The following TM9SF4 variants were observed in gnomAD, a reference collection of about 807,000 sequenced individuals.
TM9SF4 encodes the protein dinucleotide oxidase disulfide thiol exchanger 3 superfamily member 4.
Under a neutral mutation model 90.4 loss-of-function variants are expected in TM9SF4, and 26 were observed. That is an observed-to-expected ratio of 0.29 (90% CI 0.21 to 0.40). The LOEUF is 0.40. TM9SF4 is among the 10% of genes least tolerant of loss of function. The pLI is 1.00. For synonymous variants in TM9SF4, 293 were observed against 315.4 expected (o/e 0.93, Z 0.75); for missense variants, 549 against 834.8 (o/e 0.66, Z 4.22).
In TM9SF4 at chr20:32,167,243, T is replaced by C. The variant is rs1051047949; in HGVS notation, c.*1799T>C. On this transcript the variant is annotated 3_prime_UTR_variant, in exon 18 of 18. Coordinates refer to ENST00000398022, the MANE Select transcript of TM9SF4 (RefSeq NM_014742.4). ...TTTTTGGTCGGATTGTAAATAAATA[T>C]ACCATTGTCCTACTGTTTTGTCTTG... The C allele has an allele frequency of 7.9e-5, 12 of 152,302 alleles. No homozygotes were observed. Among genetic ancestry groups the C allele is most frequent in the African/African-American group, 2.9e-4 (12 of 41,556 alleles). 9.4% of individuals were successfully genotyped at this position (152,302 alleles called of 1,614,324 possible).
chr20:32,158,308 AT>A (rs1179118398), intron 14 of TM9SF4, 142 bp from the exon 15 acceptor site: 4 of 866,058 alleles, frequency 4.6e-6, no homozygotes, highest in Non-Finnish European at 5.7e-6. Context: ...CTCTCAAGAG[AT>A]TATAATAGTA....
intron 3 of TM9SF4, among the ~76,000 whole-genome samples, chr20:32,140,538 C>T (rs1011653304): frequency 7.2e-5 from 11 of 152,168 alleles, no homozygotes; most frequent in East Asian, 3.8e-4. Flanking sequence ...GACATAGGAA[C>T]GGATGCTGAT....
At chr20:32,151,984 C>A (rs1439696348) in intron 12 of TM9SF4, among the ~76,000 whole-genome samples, 2 of 152,104 alleles carry the variant, frequency 1.3e-5, no homozygotes, top group East Asian at 3.9e-4. Flanking sequence ...GCCTCCACCT[C>A]CCGAGTAGCT....
chr20:32,140,770 G>A (rs1274874773), intron 3 of TM9SF4, among the ~76,000 whole-genome samples: 5 of 152,166 alleles, frequency 3.3e-5, no homozygotes, highest in Non-Finnish European at 7.3e-5. Context: ...CCCTCACACA[G>A]GGCAGTCAGG....
At chr20:32,132,049 A>G (rs2046523916) in intron 1 of TM9SF4, among the ~76,000 whole-genome samples, 2 of 152,188 alleles carry the variant, frequency 1.3e-5, no homozygotes, top group South Asian at 4.1e-4. Flanking sequence ...GTTGTTTTTT[A>G]GATAGAATGG....
intron 8 of TM9SF4, 142 bp from the exon 9 acceptor site, chr20:32,146,643 A>AG: frequency 1.5e-6 from 1 of 656,366 alleles, no homozygotes; most frequent in South Asian, 2.1e-5. Context: ...AGAGGCCTTG[A>AG]GGTGGCTGCA....
intron 3 of TM9SF4, chr20:32,137,012 G>A (rs1262434834): frequency 1.1e-5 from 5 of 466,328 alleles, no homozygotes; most frequent in Admixed American, 9.4e-5. Flanking sequence ...TGGGGGTCCT[G>A]GACCAGTTGG....
chr20:32,123,866 A>ATATATATATTTTTTTTTTTT lies in TM9SF4; in HGVS notation c.16-9146_16-9145insATATATATTTTTTTTTTTTT. On this transcript the variant is annotated intron_variant, in intron 1 of 17. Coordinates refer to ENST00000398022, the MANE Select transcript of TM9SF4 (RefSeq NM_014742.4). ...CTCTCATATATATATATATATATAT[A>ATATATATATTTTTTTTTTTT]TTTTTTTTTTTAAAGAGATAGGGTC... 2.7e-3 allele frequency among the ~76,000 whole-genome samples: 257 copies of ATATATATATTTTTTTTTTTT among 93,884 alleles called. 5 individuals are homozygous for ATATATATATTTTTTTTTTTT. Among genetic ancestry groups the ATATATATATTTTTTTTTTTT allele is most frequent in the East Asian group, 9.6e-3 (13 of 1,358 alleles). The allele number at this position is 93,884 out of a possible 152,430, so 61.6% of individuals were successfully genotyped here. A position where few individuals can be genotyped will look rare whatever the true frequency, so the allele number is the denominator to read the frequency against.
chr20:32,153,497 C>G (rs1422426655), intron 12 of TM9SF4, among the ~76,000 whole-genome samples: 1 of 152,206 alleles, frequency 6.6e-6, no homozygotes, highest in East Asian at 1.9e-4. Flanking sequence ...GCCTCTAATC[C>G]CAGTCCTTTG....
chr20:32,161,198 C>T, intron 16 of TM9SF4, 78 bp from the exon 17 acceptor site: 1 of 1,219,580 alleles, frequency 8.2e-7, no homozygotes, highest in Admixed American at 1.8e-5. Flanking sequence ...GAGTCTTCAG[C>T]CCCTCAAGCA....
chr20:32,158,024 C>T, intron 14 of TM9SF4, 55 bp downstream of exon 14: 1 of 1,598,188 alleles, frequency 6.3e-7, no homozygotes, highest in African/African-American at 1.3e-5. Flanking sequence ...GTACGCCCCC[C>T]TCCGCCACCA....
intron 1 of TM9SF4, among the ~76,000 whole-genome samples, chr20:32,120,250 AT>A (rs1451458593): frequency 6.6e-6 from 1 of 152,170 alleles, no homozygotes; most frequent in Non-Finnish European, 1.5e-5. Flanking sequence ...CATCCTGACA[AT>A]ATTGAGTCTT....
intron 15 of TM9SF4, 152 bp from the exon 16 acceptor site, chr20:32,159,840 C>G (rs974196907): frequency 1.2e-5 from 13 of 1,100,930 alleles, no homozygotes; most frequent in Non-Finnish European, 1.7e-5. Flanking sequence ...ACCCCCTGCT[C>G]TGGGGAAGAG....
intron 3 of TM9SF4, among the ~76,000 whole-genome samples, chr20:32,139,658 C>A (rs1167843840): frequency 6.6e-6 from 1 of 152,256 alleles, no homozygotes; most frequent in African/African-American, 2.4e-5. Flanking sequence ...TCTTTCTCTA[C>A]CCCTGTTAGA....
chr20:32,163,978 A>G (rs949751210), intron 17 of TM9SF4, among the ~76,000 whole-genome samples: 1 of 152,146 alleles, frequency 6.6e-6, no homozygotes, highest in African/African-American at 2.4e-5. Context: ...AACATCTGGA[A>G]TATGGAAGAC....
At chr20:32,134,424 G>GA (rs2046565936) in intron 2 of TM9SF4, among the ~76,000 whole-genome samples, 1 of 152,166 alleles carries the variant, frequency 6.6e-6, no homozygotes, top group Admixed American at 6.5e-5. Flanking sequence ...ATGTTTAATA[G>GA]AGGTCCTTAA....
Position 32,145,083 on chromosome 20 carries a change from T to G in TM9SF4, c.653-8T>G. The G allele has an allele frequency of 6.2e-7, 1 of 1,613,506 alleles. No individual in the cohort carries two copies. The highest frequency in any genetic ancestry group is 8.5e-7 in the Non-Finnish European group (1 of 1,179,448). Reference sequence around the variant, plus strand: ...CACAGGAACAGACTGAGTCTGTGTCTCTCTCAGACCTCAAAGCAGATGAGA... The same window carrying G: ...CACAGGAACAGACTGAGTCTGTGTCGCTCTCAGACCTCAAAGCAGATGAGA... On this transcript the variant is annotated splice_region_variant and splice_polypyrimidine_tract_variant and intron_variant, in intron 6 of 17. Transcript: ENST00000398022.
chr20:32,120,700 T>C (rs2046293474), intron 1 of TM9SF4, among the ~76,000 whole-genome samples: 2 of 152,190 alleles, frequency 1.3e-5, no homozygotes, highest in African/African-American at 4.8e-5. Context: ...ATGGCAAGAG[T>C]AGGCATCCTT....
intron 1 of TM9SF4, among the ~76,000 whole-genome samples, chr20:32,128,790 C>CTGTGTATGTGTG (rs2046462518): frequency 6.9e-6 from 1 of 145,268 alleles, no homozygotes; most frequent in African/African-American, 2.6e-5. Flanking sequence ...GTATTCCATT[C>CTGTGTATGTGTG]TGTGTGTGTG....
Sources: gnomAD v4.1 joint callset for allele counts (sites outside exome capture counted in the v4.1 genomes callset) on GRCh38, gnomAD v4.1.1 for gene constraint, MANE v1.5 for transcripts, NCBI Gene and HGNC (gene_info 2026-07-23, HGNC 2026-07-21) for gene names.